The following ZBTB20 variants were observed in gnomAD, a reference collection of about 807,000 sequenced individuals.
ZBTB20 encodes zinc finger and BTB domain-containing protein 20.
In ZBTB20, 9 loss-of-function variants were observed where a neutral mutation model predicts 56.9. The ratio of observed to expected loss-of-function variants is 0.16; its 90% CI spans 0.10 to 0.28. ZBTB20 has a LOEUF of 0.28. Among genes scored for constraint, ZBTB20 ranks in the 10% least tolerant of loss-of-function variants. The probability of loss-of-function intolerance (pLI) is 1.00; values close to 1 mark genes in which losing one functional copy is unlikely to be tolerated. For synonymous variants in ZBTB20, 417 were observed against 420.7 expected (o/e 0.99, Z 0.11); for missense variants, 655 against 1,003.0 (o/e 0.65, Z 4.69).
At chr3:114,934,503 TG>T (rs575591836) in intron 3 of ZBTB20, among the ~76,000 whole-genome samples, 122 of 152,344 alleles carry the variant, frequency 8.0e-4, no homozygotes, top group Middle Eastern at 3.4e-3. Context: ...AGAACATAGC[TG>T]TGGATTAACA....
intron 7 of ZBTB20, among the ~76,000 whole-genome samples, chr3:114,465,357 GGTCC>G (rs2092499834): frequency 6.6e-6 from 1 of 152,030 alleles, no homozygotes; most frequent in African/African-American, 2.4e-5. Context: ...TTCTAAGTTT[GGTCC>G]AGAACAAAAG....
At chr3:114,804,500 C>T (rs1196271248) in intron 4 of ZBTB20, among the ~76,000 whole-genome samples, 1 of 151,914 alleles carries the variant, frequency 6.6e-6, no homozygotes, top group Non-Finnish European at 1.5e-5. Context: ...GTTCACTCAT[C>T]TCTCTATAAT....
intron 1 of ZBTB20, among the ~76,000 whole-genome samples, chr3:115,080,610 A>G (rs1033931022): frequency 2.0e-5 from 3 of 152,262 alleles, no homozygotes; most frequent in African/African-American, 7.2e-5. Flanking sequence ...ACCTAAAGCC[A>G]AAAGGAAAAT....
chr3:114,409,153 T>C (rs937084044), intron 7 of ZBTB20, among the ~76,000 whole-genome samples: 11 of 96,068 alleles, frequency 1.1e-4, no homozygotes, highest in African/African-American at 1.8e-4. Context: ...TTTTTTTTTT[T>C]CTGAGAGAAA....
At chr3:114,424,128 T>A (rs529035227) in intron 7 of ZBTB20, among the ~76,000 whole-genome samples, 23 of 152,358 alleles carry the variant, frequency 1.5e-4, no homozygotes, top group African/African-American at 5.5e-4. Flanking sequence ...CACGGTCATA[T>A]TATAATTGTC....
chr3:114,849,287 CTT>C lies in ZBTB20; in HGVS notation c.-416-48115_-416-48114del, dbSNP rs1213857762. On this transcript the variant is annotated intron_variant, in intron 4 of 11. Coordinates refer to ENST00000675478, the MANE Select transcript of ZBTB20 (RefSeq NM_001348800.3). ...ATTTCTTTTAAGTGTAAGAACCTGG[CTT>C]TTATCTTCCATATACAACCAAGGCA... Among the ~76,000 whole-genome samples the C allele has an allele frequency of 2.6e-5, 4 of 152,094 alleles. No individual in the cohort carries two copies. In the East Asian group the frequency reaches 7.7e-4, roughly 29 times the overall value.
chr3:114,728,085 G>C (rs115905581), intron 5 of ZBTB20, among the ~76,000 whole-genome samples: 2,068 of 152,268 alleles, frequency 0.014, 25 homozygotes, highest in Non-Finnish European at 0.021. Flanking sequence ...TCATTGTACA[G>C]ATTAGGTCAG....
At chr3:114,473,016 T>C (rs10511334) in intron 7 of ZBTB20, among the ~76,000 whole-genome samples, 20,450 of 152,170 alleles carry the variant, frequency 0.13, 1,768 homozygotes, top group East Asian at 0.27. Context: ...AATGCTTATA[T>C]ATACAACCTG....
intron 4 of ZBTB20, among the ~76,000 whole-genome samples, chr3:114,823,308 G>A (rs1000931579): frequency 4.6e-5 from 7 of 152,052 alleles, no homozygotes; most frequent in Admixed American, 6.6e-5. Context: ...CAATGAGAGG[G>A]ATATTTTGGC....
intron 6 of ZBTB20, among the ~76,000 whole-genome samples, chr3:114,593,584 A>C (rs2056015902): frequency 6.6e-6 from 1 of 152,010 alleles, no homozygotes; most frequent in African/African-American, 2.4e-5. Flanking sequence ...GGGTTTGTCC[A>C]CGTTGGTCAG....
chr3:114,549,984 T>C (rs1255643562), intron 6 of ZBTB20, among the ~76,000 whole-genome samples: 5 of 152,048 alleles, frequency 3.3e-5, no homozygotes, highest in African/African-American at 1.2e-4. Context: ...GTGGCCCAGG[T>C]TGGAGTGCAG....
chr3:114,615,109 C>A (rs1201214392), intron 6 of ZBTB20, among the ~76,000 whole-genome samples: 1 of 152,080 alleles, frequency 6.6e-6, no homozygotes, highest in African/African-American at 2.4e-5. Context: ...CATGTGGGAG[C>A]ATGAACATGA....
At chr3:114,779,666 T>C (rs1438117434) in intron 5 of ZBTB20, among the ~76,000 whole-genome samples, 1 of 152,204 alleles carries the variant, frequency 6.6e-6, no homozygotes, top group African/African-American at 2.4e-5. Flanking sequence ...ATAACAAATA[T>C]AAGAGGATGC....
At chr3:114,573,077 C>A (rs1362554205) in intron 6 of ZBTB20, among the ~76,000 whole-genome samples, 1 of 152,146 alleles carries the variant, frequency 6.6e-6, no homozygotes, top group Non-Finnish European at 1.5e-5. Flanking sequence ...TAGATTCTTT[C>A]CTTTGTGATA....
intron 1 of ZBTB20, chr3:115,100,126 C>A (rs2083535360): frequency 6.6e-6 from 1 of 150,974 alleles, no homozygotes; most frequent in South Asian, 2.1e-4. Context: ...ACAGAGGGGG[C>A]ATTGAGGAAG....
At chr3:115,089,582 G>T (rs764447715) in intron 1 of ZBTB20, among the ~76,000 whole-genome samples, 5 of 151,824 alleles carry the variant, frequency 3.3e-5, no homozygotes, top group Non-Finnish European at 7.4e-5. Context: ...AACACAATGG[G>T]AACCTGGTAA....
At chr3:114,807,790 G>A (rs575131303) in intron 4 of ZBTB20, among the ~76,000 whole-genome samples, 1 of 152,112 alleles carries the variant, frequency 6.6e-6, no homozygotes, top group East Asian at 1.9e-4. Context: ...ATGCTATATT[G>A]CATTAATTAA....
At chr3:115,099,974 A>C (rs2083520502) in intron 1 of ZBTB20, among the ~76,000 whole-genome samples, 1 of 152,164 alleles carries the variant, frequency 6.6e-6, no homozygotes, top group Non-Finnish European at 1.5e-5. Flanking sequence ...CACACCCCTA[A>C]GTAAGTAGGA....
At chr3:114,362,793 A>G (rs1190409610) in intron 10 of ZBTB20, among the ~76,000 whole-genome samples, 1 of 152,190 alleles carries the variant, frequency 6.6e-6, no homozygotes, top group East Asian at 1.9e-4. Context: ...ATAAGAAGAG[A>G]TGACCAATCT....
Sources: allele counts gnomAD v4.1 joint callset (sites outside exome capture counted in the v4.1 genomes callset), GRCh38; gene constraint gnomAD v4.1.1; transcripts MANE v1.5; gene names NCBI Gene and HGNC (gene_info 2026-07-23, HGNC 2026-07-21).